Variants in ATG2B observed in about 807,000 individuals in gnomAD.
The protein encoded by ATG2B is autophagy related 2B.
A neutral mutation model predicts 241.3 loss-of-function variants in ATG2B; 121 were observed. That is an observed-to-expected ratio of 0.50 (90% CI 0.43 to 0.58). The LOEUF is 0.58. Ranked by LOEUF, ATG2B falls within the 20% of genes least tolerant of loss-of-function variation. The probability of loss-of-function intolerance (pLI) is 0.00; values close to 1 mark genes in which losing one functional copy is unlikely to be tolerated. For synonymous variants in ATG2B, 858 were observed against 876.6 expected, an observed-to-expected ratio of 0.98 and a Z score of 0.37; for missense variants, 2,306 against 2,491.6, an observed-to-expected ratio of 0.93 and a Z score of 1.59.
intron 6 of ATG2B, among the ~76,000 whole-genome samples, chr14:96,340,636 G>C (rs1266490032): frequency 6.6e-6 from 1 of 152,124 alleles, no homozygotes; most frequent in African/African-American, 2.4e-5. Flanking sequence ...AAAGGGTCCT[G>C]GTGAGGTGGC....
chr14:96,354,144 T>A (rs1352368018), intron 1 of ATG2B, among the ~76,000 whole-genome samples: 1 of 152,220 alleles, frequency 6.6e-6, no homozygotes. Flanking sequence ...TTTTTCCAAC[T>A]TTTAAGTTCA....
chr14:96,313,528 C>T lies in ATG2B; in HGVS notation c.3643-93G>A, dbSNP rs7155874. On this transcript the variant is annotated intron_variant, in intron 23 of 41. Coordinates refer to ENST00000359933, the MANE Select transcript of ATG2B (RefSeq NM_018036.7). ...TACCAATGTAAACCAGAATATCTCA[C>T]AGAAAAAATCATTTAATTGGAAAAT... 0.26 allele frequency: 132,146 copies of T among 515,146 alleles called. 18,205 individuals are homozygous for T. Among genetic ancestry groups the T allele is most frequent in the Middle Eastern group, 0.29 (538 of 1,876 alleles). 31.9% of individuals were successfully genotyped at this position (515,146 alleles called of 1,614,324 possible).
At chr14:96,353,643 TA>T (rs1888394964) in intron 1 of ATG2B, among the ~76,000 whole-genome samples, 2 of 110,558 alleles carry the variant, frequency 1.8e-5, no homozygotes, top group South Asian at 7.4e-4. Flanking sequence ...TTTCATATTT[TA>T]TATATATATA....
rs149775668 is a variant in ATG2B at position 96,279,967 on chromosome 14, C to T, written c.*5788G>A. 4.5e-3 allele frequency: 692 copies of T among 152,442 alleles called. 24 individuals carry two copies. The South Asian group carries it at 0.068, about 15-fold the overall frequency. The allele number at this position is 152,442 out of a possible 1,614,324, so 9.4% of individuals were successfully genotyped here. A position where few individuals can be genotyped will look rare whatever the true frequency, so the allele number is the denominator to read the frequency against. On this transcript the variant is annotated 3_prime_UTR_variant, in exon 42 of 42. Transcript: ENST00000359933. ...TGTCAACTGCTGAGGTGGAGAAACC[C>T]GACTTTAGCCCCATTCTGAGATTTT... is the stretch of plus-strand genomic sequence containing the variant.
At chr14:96,353,055 T>A (rs1888373528) in intron 1 of ATG2B, among the ~76,000 whole-genome samples, 1 of 152,220 alleles carries the variant, frequency 6.6e-6, no homozygotes, top group South Asian at 2.1e-4. Context: ...ACCTTTTCTA[T>A]GTTTAGATAC....
At position 96,323,991 on chromosome 14, in the gene ATG2B, G is replaced by T. The variant is rs1887525681; in HGVS notation, c.2445C>A (p.Phe815Leu). The part of the protein sequence containing the change: ...ELTFRELIGS[F>L]QEEKGDPSIK... ...TAGATGGATCTCCTTTCTCTTCCTG[G>T]AACGATCCTAAAAAAAAAGACTGAT... The change falls in exon 16 of 42, where the codon TTC (phenylalanine) becomes TTA (leucine). Residue 815 changes from phenylalanine to leucine, a missense_variant. Physicochemically the swap from Phe to Leu is conservative, Grantham distance 22. This residue lies in a region of ATG2B where 1,927 missense variants were observed against 2,011.2 expected (regional missense o/e 0.96). Transcript: ENST00000359933. The T allele has an allele frequency of 6.3e-7, 1 of 1,579,042 alleles. No individual in the cohort carries two copies. The highest frequency in any genetic ancestry group is 8.6e-7 in the Non-Finnish European group (1 of 1,166,802).
At chr14:96,309,413 C>A in intron 29 of ATG2B, 40 bp downstream of exon 29, 8 of 1,567,194 alleles carry the variant, frequency 5.1e-6, no homozygotes, top group Non-Finnish European at 6.9e-6. Flanking sequence ...TAAGCCCCAA[C>A]ATTAACATCA....
intron 34 of ATG2B, among the ~76,000 whole-genome samples, chr14:96,300,519 G>A (rs532808439): frequency 2.6e-4 from 40 of 152,146 alleles, no homozygotes; most frequent in African/African-American, 8.4e-4. Context: ...ACACTGTGGC[G>A]GGGGAAGAAA....
chr14:96,333,678 A>C lies in ATG2B; in HGVS notation c.1207+10T>G. On this transcript the variant is annotated intron_variant, in intron 8 of 41. Coordinates refer to ENST00000359933, the MANE Select transcript of ATG2B (RefSeq NM_018036.7). ...ATATGATTCTGGTGTCAACAGTTTG[A>C]GTTGCTTACCACGGCTAGAAGGTGT... 2.4e-5 allele frequency: 38 copies of C among 1,609,790 alleles called. No homozygotes were observed. Among genetic ancestry groups the C allele is most frequent in the Non-Finnish European group, 3.2e-5 (38 of 1,178,052 alleles).
intron 6 of ATG2B, among the ~76,000 whole-genome samples, chr14:96,338,068 CTT>C (rs1358999559): frequency 1.3e-5 from 2 of 151,876 alleles, no homozygotes; most frequent in Non-Finnish European, 2.9e-5. Context: ...GGATTGAGCT[CTT>C]GATTTGATTC....
chr14:96,341,442 A>G (rs948550361), intron 6 of ATG2B, 80 bp downstream of exon 6: 4 of 1,107,236 alleles, frequency 3.6e-6, no homozygotes, highest in Non-Finnish European at 5.0e-6. Context: ...GCAGTAATCA[A>G]TCAGTGAATC....
At chr14:96,305,537 A>C (rs370217453) in intron 31 of ATG2B, 52 bp downstream of exon 31, 3 of 1,245,620 alleles carry the variant, frequency 2.4e-6, no homozygotes, top group Non-Finnish European at 3.4e-6. Context: ...CTATTTTTCT[A>C]AGAAAAGAAT....
At chr14:96,296,674 T>A (rs962752589) in intron 34 of ATG2B, among the ~76,000 whole-genome samples, 3 of 149,800 alleles carry the variant, frequency 2.0e-5, no homozygotes, top group Non-Finnish European at 3.0e-5. Context: ...GGCAGGAGAA[T>A]CACTTGAACC....
chr14:96,311,672 A>G lies in ATG2B; in HGVS notation c.3914-54T>C, dbSNP rs900124419. The G allele has an allele frequency of 8.6e-6, 10 of 1,164,584 alleles. No individual in the cohort carries two copies. In the Middle Eastern group the frequency reaches 5.8e-4, roughly 67 times the overall value. The allele number at this position is 1,164,584 out of a possible 1,614,324, so 72.1% of individuals were successfully genotyped here. A position where few individuals can be genotyped will look rare whatever the true frequency, so the allele number is the denominator to read the frequency against. The stretch of plus-strand genomic sequence containing the variant: ...TTCAGTACAGCTTTCAAAAATGTGT[A>G]TCCAACCAACACCCAATACAACTAG... On this transcript the variant is annotated intron_variant, in intron 26 of 41. Coordinates refer to ENST00000359933, the MANE Select transcript of ATG2B (RefSeq NM_018036.7).
Position 96,295,160 on chromosome 14 carries a change from C to T in ATG2B, c.5226G>A (p.Lys1742=). 6.2e-7 allele frequency: 1 copy of T among 1,613,570 alleles called. No homozygotes were observed. Among genetic ancestry groups the T allele is most frequent in the Non-Finnish European group, 8.5e-7 (1 of 1,179,732 alleles). The change falls in exon 36 of 42, where the codon AAG becomes AAA. Residue 1742 remains lysine, a synonymous_variant. Transcript: ENST00000359933. ...LQMTPDPEVK[K]SPGADVTCSL... Reference sequence around the variant, plus strand: ...TGCAGGTGACATCAGCTCCAGGAGACTTTTTAACTGAAAATGTAATGTGCA... The same window carrying T: ...TGCAGGTGACATCAGCTCCAGGAGATTTTTTAACTGAAAATGTAATGTGCA...
chr14:96,318,638 A>T (rs1186943228), intron 18 of ATG2B, among the ~76,000 whole-genome samples: 1 of 152,198 alleles, frequency 6.6e-6, no homozygotes, highest in Non-Finnish European at 1.5e-5. Flanking sequence ...AGACTAGCCC[A>T]ATCAATACTG....
At position 96,290,516 on chromosome 14, in the gene ATG2B, G is replaced by C; in HGVS notation, c.5776C>G (p.Gln1926Glu). Residue 1926 changes from glutamine (Q) to glutamate (E), a missense_variant, in exon 40 of 42, where the codon CAG becomes GAG. Coordinates refer to ENST00000359933, the MANE Select transcript of ATG2B (RefSeq NM_018036.7). This position sits in a 1 kb window ranked among gnomAD's most constrained non-coding sequence, Gnocchi z 4.4. ...GTACCAAAGGAAGCAGCGCCTCTCTGAAACCCTCTGACAATGCGGCCATCC... is the reference window on the plus strand; with the variant it reads ...GTACCAAAGGAAGCAGCGCCTCTCTCAAACCCTCTGACAATGCGGCCATCC... ...RKDGRIVRGF[Q>E]RGAASFGTST... 1.2e-6 allele frequency: 2 copies of C among 1,614,222 alleles called. No homozygotes were observed. Among genetic ancestry groups the C allele is most frequent in the Non-Finnish European group, 1.7e-6 (2 of 1,180,036 alleles).
At position 96,334,497 on chromosome 14, in the gene ATG2B, T is replaced by C. The variant is rs756541280; in HGVS notation, c.929A>G (p.Asp310Gly). The C allele has an allele frequency of 1.2e-5, 19 of 1,581,468 alleles. 1 individual carries two copies. In the South Asian group the frequency reaches 2.1e-4, roughly 17 times the overall value. Residue 310 changes from aspartate to glycine, a missense_variant, in exon 7 of 42, where the codon GAT (aspartate) becomes GGT (glycine). Coordinates refer to ENST00000359933, the MANE Select transcript of ATG2B (RefSeq NM_018036.7). ...AATAGAGTCTATCTGTCCATCAACA[T>C]CCAACTTAAGGGAAAAAAAAAAACT... Reference protein sequence around the residue: ...QNEVLPGAKLDVDGQIDSIHL... With the variant: ...QNEVLPGAKLGVDGQIDSIHL...
In ATG2B at chr14:96,332,389, A is replaced by C; in HGVS notation, c.1384T>G (p.Phe462Val). ...GGCTGTTCTTTATGATGATCAAGGA[A>C]CTCTCCCCAAGTGGGCTGAAGCTAT... ...ATVLQPTWGEFLDHHKEQPVR... is the reference protein window; with the variant it reads ...ATVLQPTWGEVLDHHKEQPVR... Residue 462 changes from phenylalanine to valine, a missense_variant, in exon 10 of 42, where the codon TTC becomes GTC. Transcript: ENST00000359933. 2 of 1,613,556 alleles carry C rather than the reference A, an allele frequency of 1.2e-6. No homozygotes were observed. Among genetic ancestry groups the C allele is most frequent in the Non-Finnish European group, 1.7e-6 (2 of 1,179,700 alleles).
Sources: gnomAD v4.1 joint callset for allele counts (sites outside exome capture counted in the v4.1 genomes callset) on GRCh38, gnomAD v4.1.1 for gene constraint, gnomAD v4.1.1 regional missense constraint, Gnocchi (gnomAD v3.1) non-coding constraint, MANE v1.5 for transcripts, NCBI Gene and HGNC (gene_info 2026-07-23, HGNC 2026-07-21) for gene names.